FCHSD2: variants seen among roughly 807,000 people sequenced by gnomAD.
FCHSD2 encodes the protein FCH and double SH3 domains 2, also known as F-BAR and double SH3 domains protein 2.
FCHSD2 carries 38 observed loss-of-function variants against 108.1 expected under a neutral mutation model. That is an observed-to-expected ratio of 0.35 (90% CI 0.27 to 0.46). The LOEUF (loss-of-function observed/expected upper bound fraction) is 0.46, where lower values mean the gene tolerates loss of function less well. Among genes scored for constraint, FCHSD2 ranks in the 20% least tolerant of loss-of-function variants. FCHSD2 has a pLI of 1.00. For missense variants in FCHSD2, 751 were observed against 897.8 expected (o/e 0.84, Z 2.09); for synonymous variants, 279 against 314.7 (o/e 0.89, Z 1.20).
chr11:72,849,557 A>G (rs567318659), intron 14 of FCHSD2, among the ~76,000 whole-genome samples, 198 bp downstream of exon 14: 1 of 152,314 alleles, frequency 6.6e-6, no homozygotes, highest in Non-Finnish European at 1.5e-5. Flanking sequence ...GGGGAAAAAA[A>G]GAGTTCTAGG....
chr11:72,908,660 C>A (rs139013123), intron 9 of FCHSD2, among the ~76,000 whole-genome samples: 1 of 152,278 alleles, frequency 6.6e-6, no homozygotes, highest in African/African-American at 2.4e-5. Flanking sequence ...TTTCCATATG[C>A]CTGTCTGCCA....
intron 4 of FCHSD2, among the ~76,000 whole-genome samples, chr11:73,009,902 C>T (rs1215376200): frequency 6.6e-6 from 1 of 152,056 alleles, no homozygotes; most frequent in African/African-American, 2.4e-5. Flanking sequence ...ATTTCATCTG[C>T]CTGGGGGGGT....
intron 13 of FCHSD2, among the ~76,000 whole-genome samples, chr11:72,859,316 C>A (rs1861511033): frequency 6.6e-6 from 1 of 152,172 alleles, no homozygotes; most frequent in South Asian, 2.1e-4. Flanking sequence ...CGAGTATATG[C>A]AAGCTATGTA....
chr11:73,110,949 T>C (rs1292618664), intron 2 of FCHSD2, among the ~76,000 whole-genome samples: 4 of 152,236 alleles, frequency 2.6e-5, no homozygotes, highest in Admixed American at 6.5e-5. Flanking sequence ...GTGGAGCACA[T>C]TGTTTAATTT....
chr11:72,913,443 A>G (rs1227017038), intron 9 of FCHSD2, among the ~76,000 whole-genome samples: 1 of 152,020 alleles, frequency 6.6e-6, no homozygotes, highest in African/African-American at 2.4e-5. Flanking sequence ...TAATTTTTGT[A>G]TTTTTAGTAG....
chr11:72,915,094 C>G (rs1051395085), intron 9 of FCHSD2, among the ~76,000 whole-genome samples: 1 of 148,276 alleles, frequency 6.7e-6, no homozygotes, highest in Non-Finnish European at 1.5e-5. Context: ...ACGACATGAA[C>G]AGACACTTCT....
intron 16 of FCHSD2, 80 bp downstream of exon 16, chr11:72,843,071 T>A: frequency 7.2e-7 from 1 of 1,380,912 alleles, no homozygotes; most frequent in Non-Finnish European, 1.0e-6. Context: ...GTGCTTTTTA[T>A]CCTACTGAAG....
intron 12 of FCHSD2, among the ~76,000 whole-genome samples, chr11:72,879,018 G>T (rs765443477): frequency 6.6e-6 from 1 of 152,056 alleles, no homozygotes; most frequent in Non-Finnish European, 1.5e-5. Flanking sequence ...GCTGAGGCAG[G>T]GGAACTGCTT....
chr11:73,038,061 G>A (rs1858542046), intron 3 of FCHSD2, among the ~76,000 whole-genome samples: 1 of 152,148 alleles, frequency 6.6e-6, no homozygotes, highest in Non-Finnish European at 1.5e-5. Context: ...TAGTTTTCCA[G>A]CTGAAATATT....
At chr11:72,957,729 A>C (rs1856742043) in intron 8 of FCHSD2, among the ~76,000 whole-genome samples, 1 of 151,938 alleles carries the variant, frequency 6.6e-6, no homozygotes, top group African/African-American at 2.4e-5. Flanking sequence ...TAAATTCTGG[A>C]GTATTGAGAG....
intron 13 of FCHSD2, among the ~76,000 whole-genome samples, chr11:72,856,868 T>C (rs1192133431): frequency 6.6e-6 from 1 of 152,178 alleles, no homozygotes; most frequent in Non-Finnish European, 1.5e-5. Context: ...ACTTGAAATG[T>C]ATTATATATA....
At chr11:73,083,235 G>A (rs1322292234) in intron 3 of FCHSD2, among the ~76,000 whole-genome samples, 1 of 152,086 alleles carries the variant, frequency 6.6e-6, no homozygotes, top group African/African-American at 2.4e-5. Flanking sequence ...CAGCAAAGTG[G>A]GGGATCAAAA....
intron 14 of FCHSD2, among the ~76,000 whole-genome samples, chr11:72,846,914 A>G (rs1861161228): frequency 1.3e-5 from 2 of 152,176 alleles, no homozygotes; most frequent in Admixed American, 6.5e-5. Flanking sequence ...AATTTCAGTA[A>G]GTTTCATAAT....
chr11:73,113,353 CTTTTTTTTTTT>C lies in FCHSD2; in HGVS notation c.119+26667_119+26677del, dbSNP rs35979371. ...TGATCATCATGCTTCCCAAGATGGT[CTTTTTTTTTTT>C]TTTTTTTTTTTTTTTTTTTTCTGAG... On this transcript the variant is annotated intron_variant, in intron 2 of 19. Transcript: ENST00000409418. Among the ~76,000 whole-genome samples the C allele has an allele frequency of 4.2e-3, 125 of 29,914 alleles. 2 individuals carry two copies. The highest frequency in any genetic ancestry group is 0.028 in the Middle Eastern group (1 of 36). 19.6% of individuals were successfully genotyped at this position (29,914 alleles called of 152,430 possible).
At chr11:73,106,416 AAAAAAAGAAAAAG>A (rs1412685350) in intron 2 of FCHSD2, among the ~76,000 whole-genome samples, 2 of 151,748 alleles carry the variant, frequency 1.3e-5, no homozygotes, top group Non-Finnish European at 2.9e-5. Context: ...CAAAAAAAAA[AAAAAAAGAAAAAG>A]AAAAAAGAAA....
intron 8 of FCHSD2, among the ~76,000 whole-genome samples, chr11:72,946,311 C>T (rs1856518003): frequency 6.6e-6 from 1 of 150,534 alleles, no homozygotes; most frequent in Non-Finnish European, 1.5e-5. Context: ...AAACCAAACA[C>T]CACATGTTCT....
chr11:72,859,736 T>C (rs1372304052), intron 13 of FCHSD2, among the ~76,000 whole-genome samples: 1 of 152,162 alleles, frequency 6.6e-6, no homozygotes, highest in Non-Finnish European at 1.5e-5. Context: ...TATTGGTCAG[T>C]ACATATATGT....
intron 8 of FCHSD2, among the ~76,000 whole-genome samples, chr11:72,975,046 T>C (rs1253415809): frequency 2.0e-5 from 3 of 152,180 alleles, no homozygotes; most frequent in Non-Finnish European, 4.4e-5. Flanking sequence ...AATTAATGCT[T>C]AGCCAGAAAA....
chr11:73,116,513 CAA>C (rs773462509), intron 2 of FCHSD2, among the ~76,000 whole-genome samples: 11 of 152,084 alleles, frequency 7.2e-5, no homozygotes, highest in Non-Finnish European at 1.5e-4. Context: ...AGTGCATTAT[CAA>C]AAGTCATAAT....
Sources: allele counts gnomAD v4.1 joint callset (sites outside exome capture counted in the v4.1 genomes callset), GRCh38; gene constraint gnomAD v4.1.1; transcripts MANE v1.5; gene names NCBI Gene and HGNC (gene_info 2026-07-23, HGNC 2026-07-21).